Variants in GHR observed in about 807,000 individuals in gnomAD.
GHR encodes the protein growth hormone receptor.
In GHR, 35 loss-of-function variants were observed where a neutral mutation model predicts 67.1. That is an observed-to-expected ratio of 0.52 (90% CI 0.40 to 0.69). The LOEUF is 0.69. GHR is among the 30% of genes least tolerant of loss of function. The pLI, the probability that GHR is intolerant of heterozygous loss-of-function variation, is 0.00. For synonymous variants in GHR, 272 were observed against 269.1 expected, an observed-to-expected ratio of 1.01 and a Z score of -0.10; for missense variants, 792 against 764.6, an observed-to-expected ratio of 1.04 and a Z score of -0.42.
chr5:42,667,386 G>A (rs1387504881), intron 3 of GHR, among the ~76,000 whole-genome samples: 1 of 152,120 alleles, frequency 6.6e-6, no homozygotes, highest in African/African-American at 2.4e-5. Context: ...GTTTTTCACA[G>A]AACTCAGTAT....
intron 2 of GHR, among the ~76,000 whole-genome samples, chr5:42,579,151 TATAGATAG>T (rs10533483): frequency 0.075 from 6,580 of 87,852 alleles, 207 homozygotes; most frequent in Middle Eastern, 0.11. Context: ...GATAGATAGA[TATAGATAG>T]ATAGATAGAT....
At chr5:42,544,187 C>G (rs527913654) in intron 1 of GHR, among the ~76,000 whole-genome samples, 1 of 152,068 alleles carries the variant, frequency 6.6e-6, no homozygotes, top group South Asian at 2.1e-4. Flanking sequence ...AGAGGGCCTT[C>G]CTTAAAAAGA....
At chr5:42,526,207 C>A (rs1268933819) in intron 1 of GHR, among the ~76,000 whole-genome samples, 3 of 152,004 alleles carry the variant, frequency 2.0e-5, no homozygotes, top group Non-Finnish European at 4.4e-5. Flanking sequence ...AGTGACACAG[C>A]CTTAGTGCTG....
intron 1 of GHR, among the ~76,000 whole-genome samples, chr5:42,510,925 T>C (rs1216940454): frequency 6.6e-6 from 1 of 152,232 alleles, no homozygotes; most frequent in East Asian, 1.9e-4. Flanking sequence ...AGCAGCCAAC[T>C]TCAGGGATTT....
intron 2 of GHR, among the ~76,000 whole-genome samples, chr5:42,589,280 T>C (rs188695130): frequency 2.3e-3 from 357 of 152,364 alleles, no homozygotes; most frequent in African/African-American, 8.3e-3. Flanking sequence ...ATGCTTTCAG[T>C]GTCTAGGACA....
intron 1 of GHR, among the ~76,000 whole-genome samples, chr5:42,524,777 T>A (rs1362191333): frequency 6.6e-6 from 1 of 152,174 alleles, no homozygotes; most frequent in Non-Finnish European, 1.5e-5. Flanking sequence ...AAGGACTTGG[T>A]GCTCTATGTC....
chr5:42,525,889 G>A (rs562290537), intron 1 of GHR, among the ~76,000 whole-genome samples: 6 of 152,194 alleles, frequency 3.9e-5, no homozygotes, highest in Non-Finnish European at 8.8e-5. Context: ...CTCCTGCCAT[G>A]ATTTGGAGGG....
rs115090063 is a variant in GHR at position 42,444,015 on chromosome 5, A to G, written c.-12+20060A>G. ...TAGACATAGACATAGATAGATATAG[A>G]TATAGATATAGATAATGGATATATA... On this transcript the variant is annotated intron_variant, in intron 1 of 9. Transcript: ENST00000230882. 3.8e-3 allele frequency among the ~76,000 whole-genome samples: 582 copies of G among 152,164 alleles called. 4 individuals carry two copies. The highest frequency in any genetic ancestry group is 0.014 in the African/African-American group (566 of 41,500).
At chr5:42,667,734 T>C (rs1756062999) in intron 3 of GHR, among the ~76,000 whole-genome samples, 1 of 152,210 alleles carries the variant, frequency 6.6e-6, no homozygotes, top group African/African-American at 2.4e-5. Flanking sequence ...AAAATGCAGA[T>C]TCTGATCCAG....
In GHR at chr5:42,602,046, A is replaced by T. The variant is rs200298793; in HGVS notation, c.71-26992A>T. On this transcript the variant is annotated intron_variant, in intron 2 of 9. Transcript: ENST00000230882. ...ATTTATCTACTAAACTGTATTTTTT[A>T]AATTATTGTTTTAGTTTTTGTTGCA... Among the ~76,000 whole-genome samples, 26 of 152,202 alleles carry T rather than the reference A, an allele frequency of 1.7e-4. No homozygotes were observed. The East Asian group carries it at 5.0e-3, about 29-fold the overall frequency.
chr5:42,525,844 T>C (rs575112936), intron 1 of GHR, among the ~76,000 whole-genome samples: 2 of 152,284 alleles, frequency 1.3e-5, no homozygotes, highest in Admixed American at 1.3e-4. Flanking sequence ...TCCTCATTTT[T>C]CTCTTGCCGC....
intron 3 of GHR, among the ~76,000 whole-genome samples, chr5:42,652,895 C>T (rs1755078347): frequency 1.3e-5 from 2 of 151,982 alleles, no homozygotes; most frequent in South Asian, 2.1e-4. Context: ...TACAGTGCCT[C>T]TTTACATCCT....
chr5:42,576,054 TAA>T (rs1272476839), intron 2 of GHR, among the ~76,000 whole-genome samples: 3 of 50,476 alleles, frequency 5.9e-5, no homozygotes, highest in African/African-American at 4.3e-4. Flanking sequence ...AATAATAAAA[TAA>T]AATAAAATAA....
At chr5:42,530,160 A>G (rs1294514409) in intron 1 of GHR, among the ~76,000 whole-genome samples, 1 of 152,158 alleles carries the variant, frequency 6.6e-6, no homozygotes, top group Non-Finnish European at 1.5e-5. Flanking sequence ...CAAATTAATT[A>G]ACACATCCTT....
rs1396208044 is a variant in GHR at position 42,630,157 on chromosome 5, A to G, written c.136+1054A>G. On this transcript the variant is annotated intron_variant, in intron 3 of 9. Transcript: ENST00000230882. ...TAGTGTGTGTGTTAGCCCTGCATAT[A>G]GAACTCACCAGATTGTGTGGACTGC... Among the ~76,000 whole-genome samples, 2 of 132,474 alleles carry G rather than the reference A, an allele frequency of 1.5e-5. 1 individual carries two copies. Among genetic ancestry groups the G allele is most frequent in the Non-Finnish European group, 3.2e-5 (2 of 62,566 alleles). 86.9% of individuals were successfully genotyped at this position (132,474 alleles called of 152,430 possible).
chr5:42,441,811 G>A (rs1183446169), intron 1 of GHR, among the ~76,000 whole-genome samples: 1 of 152,140 alleles, frequency 6.6e-6, no homozygotes, highest in Non-Finnish European at 1.5e-5. Context: ...TCCCAGCCAG[G>A]AGGAGTATTT....
chr5:42,591,267 A>C (rs947298098), intron 2 of GHR, among the ~76,000 whole-genome samples: 5 of 152,210 alleles, frequency 3.3e-5, no homozygotes, highest in African/African-American at 4.8e-5. Flanking sequence ...CGCTTTTCGC[A>C]TTTGGTCATC....
chr5:42,593,214 C>T (rs114407019), intron 2 of GHR, among the ~76,000 whole-genome samples: 4 of 152,288 alleles, frequency 2.6e-5, no homozygotes, highest in African/African-American at 7.2e-5. Flanking sequence ...CCTTGTGTCA[C>T]GTACTATATC....
chr5:42,560,274 A>G (rs887053881), intron 1 of GHR, among the ~76,000 whole-genome samples: 8 of 151,976 alleles, frequency 5.3e-5, no homozygotes, highest in African/African-American at 1.9e-4. Context: ...GCTCACTGCA[A>G]CCTCCGCCTC....
Sources: gnomAD v4.1 joint callset for allele counts (sites outside exome capture counted in the v4.1 genomes callset) on GRCh38, gnomAD v4.1.1 for gene constraint, MANE v1.5 for transcripts, NCBI Gene and HGNC (gene_info 2026-07-23, HGNC 2026-07-21) for gene names.